SORCS3: variants seen among roughly 807,000 people sequenced by gnomAD.
The protein encoded by SORCS3 is sortilin related VPS10 domain containing receptor 3, also known as VPS10 domain-containing receptor SorCS3.
SORCS3 carries 57 observed loss-of-function variants against 146.3 expected under a neutral mutation model. The ratio of observed to expected loss-of-function variants is 0.39; its 90% confidence interval spans 0.31 to 0.49. The LOEUF is 0.49. Among genes scored for constraint, SORCS3 ranks in the 20% least tolerant of loss-of-function variants. SORCS3 has a pLI of 0.92. For missense variants in SORCS3, 1,341 were observed against 1,575.5 expected (o/e 0.85, Z 2.52); for synonymous variants, 653 against 618.5 (o/e 1.06, Z -0.83).
At chr10:104,748,595 G>A (rs1000739411) in intron 1 of SORCS3, among the ~76,000 whole-genome samples, 10 of 152,264 alleles carry the variant, frequency 6.6e-5, no homozygotes, top group African/African-American at 2.2e-4. Flanking sequence ...GCTCACACCT[G>A]TAATCCCAGC....
intron 2 of SORCS3, among the ~76,000 whole-genome samples, chr10:104,867,131 A>C (rs1195443352): frequency 6.6e-6 from 1 of 152,128 alleles, no homozygotes; most frequent in Non-Finnish European, 1.5e-5. Flanking sequence ...TAAGTACACA[A>C]TAAGCCAGGT....
chr10:105,007,755 C>T (rs1301499830), intron 4 of SORCS3, among the ~76,000 whole-genome samples: 5 of 151,958 alleles, frequency 3.3e-5, no homozygotes. Flanking sequence ...TATAGGAGTG[C>T]TTACTAGGTA....
rs1341249076 is a variant in SORCS3, at chr10:105,265,055, A to G, written c.*1681A>G. 6.6e-6 allele frequency: 1 copy of G among 152,534 alleles called. No homozygotes were observed. The highest frequency in any genetic ancestry group is 2.4e-5 in the African/African-American group (1 of 41,424). The allele number at this position is 152,534 out of a possible 1,614,324, so 9.4% of individuals were successfully genotyped here. A position where few individuals can be genotyped will look rare whatever the true frequency, so the allele number is the denominator to read the frequency against. Reference sequence around the variant, plus strand: ...CCTGCTTTTTTGTTTCAAGGGTTAAATGGGGCAGACAATTGCAATACTTGT... The same window carrying G: ...CCTGCTTTTTTGTTTCAAGGGTTAAGTGGGGCAGACAATTGCAATACTTGT... On this transcript the variant is annotated 3_prime_UTR_variant, in exon 27 of 27. Transcript: ENST00000369701.
intron 14 of SORCS3, among the ~76,000 whole-genome samples, chr10:105,199,616 T>G (rs1288308345): frequency 2.0e-5 from 3 of 152,192 alleles, no homozygotes; most frequent in Non-Finnish European, 2.9e-5. Context: ...AAAATGCCAG[T>G]GCTTGCATTA....
At chr10:105,003,737 G>A (rs770072997) in intron 4 of SORCS3, among the ~76,000 whole-genome samples, 10 of 152,178 alleles carry the variant, frequency 6.6e-5, no homozygotes, top group Non-Finnish European at 1.3e-4. Flanking sequence ...TTTTCATCTG[G>A]ACCTCGCTTT....
intron 4 of SORCS3, among the ~76,000 whole-genome samples, chr10:104,979,460 T>G (rs2054920543): frequency 6.6e-6 from 1 of 152,208 alleles, no homozygotes; most frequent in Non-Finnish European, 1.5e-5. Flanking sequence ...CATAGAGATA[T>G]CCACAGAACA....
intron 7 of SORCS3, among the ~76,000 whole-genome samples, chr10:105,133,816 AG>A (rs1318811237): frequency 5.9e-5 from 9 of 151,880 alleles, no homozygotes; most frequent in Non-Finnish European, 1.5e-5. Flanking sequence ...AAAATTAGTC[AG>A]GTATGGTGGT....
chr10:105,198,090 C>A (rs2056554203), intron 14 of SORCS3, among the ~76,000 whole-genome samples: 1 of 152,080 alleles, frequency 6.6e-6, no homozygotes, highest in Non-Finnish European at 1.5e-5. Flanking sequence ...TATGACAGAC[C>A]CTGTTCAAAT....
At chr10:105,253,575 A>C (rs72819926) in intron 23 of SORCS3, among the ~76,000 whole-genome samples, 1,548 of 152,292 alleles carry the variant, frequency 0.01, 13 homozygotes, top group Middle Eastern at 0.02. Context: ...TAATGCCTGC[A>C]CTGTTTCACC....
At chr10:104,807,087 A>G (rs1333869019) in intron 1 of SORCS3, among the ~76,000 whole-genome samples, 8 of 124,810 alleles carry the variant, frequency 6.4e-5, no homozygotes, top group Admixed American at 6.3e-4. Flanking sequence ...AAAATCTAGG[A>G]TGTGGATTCC....
At chr10:104,816,836 T>C (rs2017802963) in intron 1 of SORCS3, among the ~76,000 whole-genome samples, 1 of 152,250 alleles carries the variant, frequency 6.6e-6, no homozygotes, top group Non-Finnish European at 1.5e-5. Flanking sequence ...AAGTTGGTGC[T>C]GCTTAGAGTG....
At chr10:104,956,417 A>G (rs1242321384) in intron 3 of SORCS3, among the ~76,000 whole-genome samples, 1 of 152,144 alleles carries the variant, frequency 6.6e-6, no homozygotes. Flanking sequence ...CCTTACACAA[A>G]CTGATTCTCT....
At chr10:104,892,190 TTG>T (rs2018755659) in intron 2 of SORCS3, among the ~76,000 whole-genome samples, 1 of 152,228 alleles carries the variant, frequency 6.6e-6, no homozygotes, top group Non-Finnish European at 1.5e-5. Context: ...GAAACCTAGA[TTG>T]TAAGTATACT....
Position 105,066,637 on chromosome 10 carries a change from A to G in SORCS3, c.1029-23138A>G, listed in dbSNP as rs17118203. On this transcript the variant is annotated intron_variant, in intron 5 of 26. Coordinates refer to ENST00000369701, the MANE Select transcript of SORCS3 (RefSeq NM_014978.3). Reference sequence around the variant, plus strand: ...TCATTCTGGAAGAAAGAGAATCATAATAGCCCAGCACCAGTCAAGACTGCT... The same window carrying G: ...TCATTCTGGAAGAAAGAGAATCATAGTAGCCCAGCACCAGTCAAGACTGCT... Among the ~76,000 whole-genome samples the G allele has an allele frequency of 1.8e-3, 281 of 152,254 alleles. 12 individuals are homozygous for G. In the East Asian group the frequency reaches 0.051, roughly 27 times the overall value.
At chr10:104,730,367 A>G (rs1290686253) in intron 1 of SORCS3, among the ~76,000 whole-genome samples, 3 of 152,190 alleles carry the variant, frequency 2.0e-5, no homozygotes, top group Non-Finnish European at 2.9e-5. Context: ...CGTCTGTACT[A>G]CTGTGCTGCA....
intron 3 of SORCS3, among the ~76,000 whole-genome samples, chr10:104,962,875 T>A (rs2054804362): frequency 6.6e-6 from 1 of 152,228 alleles, no homozygotes. Flanking sequence ...AGTTATCTAC[T>A]ATGGATAAGT....
At position 105,164,370 on chromosome 10, in the gene SORCS3, A is replaced by G. The variant is rs777122982; in HGVS notation, c.1800A>G (p.Thr600=). ...TCATCTCCTCCGATGGGGGCAACAC[A>G]TGGAGACAGGTAACTGGGTGAATTG... ...GVFISSDGGN[T]WRQIFDEEYN... is the part of the protein sequence containing the mutation. The change falls in exon 12 of 27, where the codon ACA becomes ACG. Residue 600 remains threonine (T), a synonymous_variant. Coordinates refer to ENST00000369701, the MANE Select transcript of SORCS3 (RefSeq NM_014978.3). The G allele has an allele frequency of 2.4e-5, 39 of 1,612,074 alleles. No individual in the cohort carries two copies. The highest frequency in any genetic ancestry group is 3.3e-5 in the Admixed American group (2 of 59,960).
chr10:104,898,223 GA>G (rs2018818462), intron 2 of SORCS3, among the ~76,000 whole-genome samples: 1 of 152,124 alleles, frequency 6.6e-6, no homozygotes, highest in African/African-American at 2.4e-5. Context: ...GAAATATTGG[GA>G]TAAAAGTAAA....
intron 4 of SORCS3, among the ~76,000 whole-genome samples, chr10:105,010,293 CT>C (rs1201560286): frequency 6.6e-6 from 1 of 152,214 alleles, no homozygotes; most frequent in Admixed American, 6.5e-5. Flanking sequence ...CCCTATACTA[CT>C]TTTGCAAACC....
Sources: allele counts gnomAD v4.1 joint callset (sites outside exome capture counted in the v4.1 genomes callset), GRCh38; gene constraint gnomAD v4.1.1; transcripts MANE v1.5; gene names NCBI Gene and HGNC (gene_info 2026-07-23, HGNC 2026-07-21).